PRKN: variants seen among roughly 807,000 people sequenced by gnomAD.
PRKN encodes parkin RBR E3 ubiquitin protein ligase, also known as E3 ubiquitin-protein ligase parkin.
Under a neutral mutation model 59.5 loss-of-function variants are expected in PRKN, and 56 were observed. The ratio of observed to expected loss-of-function variants is 0.94; its 90% CI spans 0.76 to 1.18. PRKN has a LOEUF of 1.18. PRKN is among the 50% of genes most tolerant of loss of function. The probability of loss-of-function intolerance (pLI) is 0.00; values close to 1 mark genes in which losing one functional copy is unlikely to be tolerated. For missense variants in PRKN, 657 were observed against 596.4 expected (o/e 1.10, Z -1.06); for synonymous variants, 250 against 222.1 (o/e 1.13, Z -1.12).
intron 1 of PRKN, among the ~76,000 whole-genome samples, chr6:162,670,976 C>T (rs994446594): frequency 6.6e-6 from 1 of 151,968 alleles, no homozygotes; most frequent in Non-Finnish European, 1.5e-5. Context: ...CAATACCATT[C>T]GATTGTTGAA....
intron 4 of PRKN, among the ~76,000 whole-genome samples, chr6:162,168,196 T>A (rs1484728440): frequency 1.3e-5 from 2 of 152,124 alleles, no homozygotes; most frequent in Admixed American, 1.3e-4. Flanking sequence ...AAGACGAATT[T>A]CTTTCTCTCC....
At chr6:161,970,634 T>G (rs1259260727) in intron 6 of PRKN, among the ~76,000 whole-genome samples, 4 of 151,454 alleles carry the variant, frequency 2.6e-5, no homozygotes, top group Non-Finnish European at 5.9e-5. Flanking sequence ...ACCTCCCGGA[T>G]TCGAGTGATT....
intron 2 of PRKN, among the ~76,000 whole-genome samples, chr6:162,386,169 C>T (rs926813666): frequency 5.9e-5 from 9 of 151,990 alleles, no homozygotes; most frequent in Non-Finnish European, 1.2e-4. Flanking sequence ...CAGTTAATGA[C>T]GATGTATTGT....
rs1766154112 is a variant in PRKN, at chr6:161,429,550, C to A, written c.1084-42673G>T. ...AAGGAAATGGAAGCAAGTTCCAGAG[C>A]TCAGAAAACATTCTGAGATGGAACT... is the stretch of plus-strand genomic sequence containing the variant. On this transcript the variant is annotated intron_variant, in intron 9 of 11. Transcript: ENST00000366898. The surrounding 1 kb of genome is among the most constrained non-coding windows in gnomAD (Gnocchi z 4.2). 1.3e-5 allele frequency among the ~76,000 whole-genome samples: 2 copies of A among 152,140 alleles called. No individual in the cohort carries two copies. The highest frequency in any genetic ancestry group is 2.9e-5 in the Non-Finnish European group (2 of 68,036).
intron 7 of PRKN, 78 bp downstream of exon 7, chr6:161,785,694 T>C (rs181131424): frequency 1.4e-6 from 2 of 1,405,632 alleles, no homozygotes; most frequent in East Asian, 2.3e-5. Context: ...TACGTATATC[T>C]AAGCCAGTTT....
chr6:162,643,987 T>C lies in PRKN; in HGVS notation c.7+83675A>G, dbSNP rs2803108. 0.61 allele frequency: 93,187 copies of C among 151,960 alleles called. 29,312 individuals carry two copies. Among genetic ancestry groups the C allele is most frequent in the African/African-American group, 0.75 (31,032 of 41,452 alleles). The allele number at this position is 151,960 out of a possible 1,614,324, so 9.4% of individuals were successfully genotyped here. A position where few individuals can be genotyped will look rare whatever the true frequency, so the allele number is the denominator to read the frequency against. On this transcript the variant is annotated intron_variant, in intron 1 of 11. Coordinates refer to ENST00000366898, the MANE Select transcript of PRKN (RefSeq NM_004562.3). ...AAACATACATTTAATCTTTCTTAGA[T>C]ACTGTTTCATGTCTTGCTAAACAGC...
At chr6:162,674,866 T>C (rs549508082) in intron 1 of PRKN, among the ~76,000 whole-genome samples, 21 of 152,070 alleles carry the variant, frequency 1.4e-4, no homozygotes, top group Admixed American at 5.9e-4. Flanking sequence ...AGGAAACAGA[T>C]GCCAGCAATA....
chr6:162,047,101 T>A (rs1428583158), intron 5 of PRKN, among the ~76,000 whole-genome samples: 3 of 152,052 alleles, frequency 2.0e-5, no homozygotes, highest in Non-Finnish European at 4.4e-5. Context: ...ATAATCTGAG[T>A]TTGACTTCAA....
chr6:162,213,284 A>G (rs1479189526), intron 3 of PRKN, among the ~76,000 whole-genome samples: 3 of 152,304 alleles, frequency 2.0e-5, no homozygotes, highest in South Asian at 2.1e-4. Context: ...ACTCAACACT[A>G]GTAGTTTGTG....
At chr6:162,444,763 T>C (rs546244799) in intron 1 of PRKN, among the ~76,000 whole-genome samples, 1 of 152,270 alleles carries the variant, frequency 6.6e-6, no homozygotes, top group South Asian at 2.1e-4. Flanking sequence ...CCTGAAGCAT[T>C]AGGAAGACCT....
At chr6:162,108,007 C>G (rs910994403) in intron 4 of PRKN, among the ~76,000 whole-genome samples, 16 of 152,168 alleles carry the variant, frequency 1.1e-4, no homozygotes, top group Non-Finnish European at 2.2e-4. Flanking sequence ...CTATGCACTT[C>G]TTTAATATAT....
chr6:161,729,380 GT>G lies in PRKN; in HGVS notation c.871+56391del, dbSNP rs141152450. On this transcript the variant is annotated intron_variant, in intron 7 of 11. Coordinates refer to ENST00000366898, the MANE Select transcript of PRKN (RefSeq NM_004562.3). Reference sequence around the variant, plus strand: ...GAATTCTTAAAAATTAAAAATGACAGTTTTTTTTTGCGCATGTGTGTAAAGT... The same window carrying G: ...GAATTCTTAAAAATTAAAAATGACAGTTTTTTTTGCGCATGTGTGTAAAGT... Among the ~76,000 whole-genome samples, 253 of 151,210 alleles carry G rather than the reference GT, an allele frequency of 1.7e-3. 1 individual carries two copies. The highest frequency in any genetic ancestry group is 4.6e-3 in the African/African-American group (191 of 41,274).
Position 161,480,397 on chromosome 6 carries a change from T to C in PRKN, c.1083+68457A>G, listed in dbSNP as rs1216245088. ...CTCCAAGCTGGCCCTATTTTCCTAT[T>C]CCACCATCACAACAATCCTGGAAAA... On this transcript the variant is annotated intron_variant, in intron 9 of 11. Transcript: ENST00000366898. This position sits in a 1 kb window ranked among gnomAD's most constrained non-coding sequence, Gnocchi z 4.1. Among the ~76,000 whole-genome samples the C allele has an allele frequency of 6.6e-6, 1 of 152,150 alleles. No individual in the cohort carries two copies. Among genetic ancestry groups the C allele is most frequent in the Non-Finnish European group, 1.5e-5 (1 of 68,030 alleles).
Position 161,372,326 on chromosome 6 carries a change from T to C in PRKN, c.1168-12121A>G, listed in dbSNP as rs531829476. 1.2e-4 allele frequency among the ~76,000 whole-genome samples: 18 copies of C among 152,344 alleles called. No individual in the cohort carries two copies. Among genetic ancestry groups the C allele is most frequent in the Middle Eastern group, 3.4e-3 (1 of 294 alleles). On this transcript the variant is annotated intron_variant, in intron 10 of 11. Transcript: ENST00000366898. This position sits in a 1 kb window ranked among gnomAD's most constrained non-coding sequence, Gnocchi z 4.2. The stretch of plus-strand genomic sequence containing the variant: ...TCAGCAGTGACCAAAATTATCCACA[T>C]AGATGGGATTCTGAATGCGGAATCA...
intron 7 of PRKN, among the ~76,000 whole-genome samples, chr6:161,699,827 A>G (rs1786177791): frequency 6.6e-6 from 1 of 152,168 alleles, no homozygotes. Context: ...ACATACAACA[A>G]CATGTATCAG....
chr6:161,954,651 G>A (rs1359254876), intron 6 of PRKN, among the ~76,000 whole-genome samples: 2 of 152,116 alleles, frequency 1.3e-5, no homozygotes, highest in Non-Finnish European at 1.5e-5. Flanking sequence ...CATTTCCACT[G>A]TAAGGCAAGA....
intron 1 of PRKN, among the ~76,000 whole-genome samples, chr6:162,682,288 C>G (rs1584040431): frequency 6.6e-6 from 1 of 151,824 alleles, no homozygotes; most frequent in East Asian, 1.9e-4. Flanking sequence ...ATTGTCCTAC[C>G]ATAAAGACAC....
Position 161,581,208 on chromosome 6 carries a change from C to CAA in PRKN, c.872-11794_872-11793dup, listed in dbSNP as rs780285837. 3.2e-4 allele frequency among the ~76,000 whole-genome samples: 38 copies of CAA among 118,604 alleles called. 1 individual carries two copies. Among genetic ancestry groups the CAA allele is most frequent in the African/African-American group, 1.0e-3 (33 of 32,372 alleles). The allele number at this position is 118,604 out of a possible 152,430, so 77.8% of individuals were successfully genotyped here. On this transcript the variant is annotated intron_variant, in intron 7 of 11. Coordinates refer to ENST00000366898, the MANE Select transcript of PRKN (RefSeq NM_004562.3). This position sits in a 1 kb window ranked among gnomAD's most constrained non-coding sequence, Gnocchi z 4.5. ...TGGGCAACAGAGTGAGACTCTGTCT[C>CAA]AAAAAAAAAAAAAAAGTTTCTCTAT...
At chr6:162,356,493 T>C (rs73028987) in intron 2 of PRKN, among the ~76,000 whole-genome samples, 32,605 of 151,892 alleles carry the variant, frequency 0.21, 3,708 homozygotes, top group Middle Eastern at 0.28. Context: ...CAGACTACCA[T>C]AGTAGACTAC....
Sources: gnomAD v4.1 joint callset for allele counts (sites outside exome capture counted in the v4.1 genomes callset) on GRCh38, gnomAD v4.1.1 for gene constraint, Gnocchi (gnomAD v3.1) non-coding constraint, MANE v1.5 for transcripts, NCBI Gene and HGNC (gene_info 2026-07-23, HGNC 2026-07-21) for gene names.